The following TMTC2 variants were observed in gnomAD, a reference collection of about 807,000 sequenced individuals.
TMTC2 encodes transmembrane O-mannosyltransferase targeting cadherins 2, also known as protein O-mannosyl-transferase TMTC2.
TMTC2 carries 43 observed loss-of-function variants against 82.4 expected under a neutral mutation model. The observed-to-expected ratio is 0.52, with a 90% CI of 0.41 to 0.67. TMTC2 has a LOEUF of 0.67. TMTC2 is among the 30% of genes least tolerant of loss of function. The probability of loss-of-function intolerance (pLI) is 0.00; values close to 1 mark genes in which losing one functional copy is unlikely to be tolerated. For missense variants in TMTC2, 919 were observed against 1,012.4 expected, an observed-to-expected ratio of 0.91 and a Z score of 1.25; for synonymous variants, 408 against 381.9, an observed-to-expected ratio of 1.07 and a Z score of -0.80.
At chr12:82,849,957 A>G (rs1870885466) in intron 1 of TMTC2, among the ~76,000 whole-genome samples, 1 of 152,138 alleles carries the variant, frequency 6.6e-6, no homozygotes, top group Admixed American at 6.5e-5. Context: ...TTTTCCTAGT[A>G]CATAGTTGGT....
intron 1 of TMTC2, among the ~76,000 whole-genome samples, chr12:82,769,793 T>A (rs1877186297): frequency 6.6e-6 from 1 of 152,088 alleles, no homozygotes; most frequent in Non-Finnish European, 1.5e-5. Flanking sequence ...GTATTTTTAG[T>A]AGGGTCAGAG....
intron 2 of TMTC2, among the ~76,000 whole-genome samples, chr12:82,876,169 T>A (rs554263097): frequency 9.8e-4 from 117 of 119,642 alleles, no homozygotes; most frequent in Admixed American, 1.8e-3. Context: ...GGTGGTAGTG[T>A]TGTTGATCGG....
At chr12:82,837,249 C>A (rs1001718977) in intron 1 of TMTC2, among the ~76,000 whole-genome samples, 4 of 152,266 alleles carry the variant, frequency 2.6e-5, no homozygotes, top group South Asian at 4.2e-4. Flanking sequence ...TGATGCAAAA[C>A]AATTACTAAG....
At chr12:83,078,382 A>C (rs980813826) in intron 11 of TMTC2, among the ~76,000 whole-genome samples, 1 of 152,210 alleles carries the variant, frequency 6.6e-6, no homozygotes, top group Non-Finnish European at 1.5e-5. Flanking sequence ...AAATGTGGGA[A>C]TCAACAGCTG....
At chr12:82,785,744 A>G (rs1007081971) in intron 1 of TMTC2, among the ~76,000 whole-genome samples, 7 of 152,060 alleles carry the variant, frequency 4.6e-5, no homozygotes, top group Admixed American at 3.3e-4. Context: ...ATCCTGAAAC[A>G]TGGTTCCCTT....
intron 7 of TMTC2, among the ~76,000 whole-genome samples, chr12:82,974,304 T>C: frequency 6.6e-6 from 1 of 152,212 alleles, no homozygotes; most frequent in East Asian, 1.9e-4. Flanking sequence ...GGACAATACA[T>C]GTGGAGTAAA....
chr12:82,947,543 C>CTT lies in TMTC2; in HGVS notation c.1598+16998_1598+16999insTT, dbSNP rs1385140519. Among the ~76,000 whole-genome samples, 76 of 138,298 alleles carry CTT rather than the reference C, an allele frequency of 5.5e-4. 1 individual carries two copies. The highest frequency in any genetic ancestry group is 2.6e-3 in the African/African-American group (74 of 28,738). The allele number at this position is 138,298 out of a possible 152,430, so 90.7% of individuals were successfully genotyped here. ...ATTTTTAGTAGAGACGGGGTTTCAC[C>CTT]GTGGTCTCGATCTCCTGACCTGGTG... On this transcript the variant is annotated intron_variant, in intron 4 of 11. Coordinates refer to ENST00000321196, the MANE Select transcript of TMTC2 (RefSeq NM_152588.3).
intron 8 of TMTC2, among the ~76,000 whole-genome samples, chr12:83,019,450 A>G (rs74445418): frequency 0.013 from 2,011 of 152,234 alleles, 46 homozygotes; most frequent in African/African-American, 0.046. Context: ...CATTAGACAC[A>G]ATCAACTACT....
At chr12:83,025,573 T>C (rs566286040) in intron 8 of TMTC2, among the ~76,000 whole-genome samples, 85 of 152,270 alleles carry the variant, frequency 5.6e-4, no homozygotes, top group African/African-American at 2.0e-3. Context: ...ACCAACAGGA[T>C]GCCCTACTAT....
rs762026608 is a variant in TMTC2, at chr12:82,965,633, G to A, written c.1758G>A (p.Lys586=). ...RTEEARRTFL[K]CSEIPDENLK... ...AAGAAGCCCGACGGACATTCTTAAA[G>A]TGTTCGGAGATCCCAGATGAAAACC... is the stretch of plus-strand genomic sequence containing the variant. The change falls in exon 6 of 12, where the codon AAG becomes AAA. Residue 586 remains lysine, a synonymous_variant. Coordinates refer to ENST00000321196, the MANE Select transcript of TMTC2 (RefSeq NM_152588.3). 6.2e-6 allele frequency: 10 copies of A among 1,613,856 alleles called. No homozygotes were observed. The South Asian group carries it at 7.7e-5, about 12-fold the overall frequency.
chr12:82,789,937 G>C (rs1380743190), intron 1 of TMTC2, among the ~76,000 whole-genome samples: 2 of 152,124 alleles, frequency 1.3e-5, no homozygotes, highest in Non-Finnish European at 1.5e-5. Context: ...AGCTATCTGG[G>C]CACAGTGGCT....
At position 82,995,725 on chromosome 12, in the gene TMTC2, A is replaced by T. The variant is rs534769762; in HGVS notation, c.2070+9679A>T. 2.0e-5 allele frequency among the ~76,000 whole-genome samples: 3 copies of T among 152,300 alleles called. No individual in the cohort carries two copies. In the East Asian group the frequency reaches 5.8e-4, roughly 29 times the overall value. Reference sequence around the variant, plus strand: ...TTCATCTTATGAAGAATTAAATATTACATATAAGGTGGATTGTTTTGTGAG... The same window carrying T: ...TTCATCTTATGAAGAATTAAATATTTCATATAAGGTGGATTGTTTTGTGAG... On this transcript the variant is annotated intron_variant, in intron 8 of 11. Coordinates refer to ENST00000321196, the MANE Select transcript of TMTC2 (RefSeq NM_152588.3).
chr12:82,985,295 G>A (rs188241549), intron 7 of TMTC2, among the ~76,000 whole-genome samples: 143 of 152,104 alleles, frequency 9.4e-4, no homozygotes, highest in African/African-American at 3.0e-3. Context: ...CAAGCTATCC[G>A]CCTGCCTTGG....
chr12:82,857,190 T>C lies in TMTC2; in HGVS notation c.264T>C (p.His88=), dbSNP rs1871301363. 16 of 1,614,128 alleles carry C rather than the reference T, an allele frequency of 9.9e-6. No homozygotes were observed. Among genetic ancestry groups the C allele is most frequent in the Non-Finnish European group, 1.4e-5 (16 of 1,180,026 alleles). ...GAGGGTTGAATCCCTGGAGCTACCA[T>C]CTTGTCAATGTCCTGTTGCATGCAG... The part of the protein sequence containing the change: ...AIGGLNPWSY[H]LVNVLLHAAV... The change falls in exon 2 of 12, where the codon CAT becomes CAC. Residue 88 remains histidine, a synonymous_variant. Coordinates refer to ENST00000321196, the MANE Select transcript of TMTC2 (RefSeq NM_152588.3).
At chr12:82,723,025 G>T (rs1458444348) in intron 1 of TMTC2, among the ~76,000 whole-genome samples, 1 of 152,096 alleles carries the variant, frequency 6.6e-6, no homozygotes, top group Non-Finnish European at 1.5e-5. Context: ...ATGGAAAAAT[G>T]TCTATTCATA....
intron 2 of TMTC2, among the ~76,000 whole-genome samples, chr12:82,867,217 CAT>C (rs1871913493): frequency 1.3e-5 from 2 of 152,166 alleles, no homozygotes; most frequent in South Asian, 4.1e-4. Flanking sequence ...GAATTTAATA[CAT>C]GTTTCTTCAG....
chr12:83,097,178 G>C (rs1884057563), intron 11 of TMTC2, among the ~76,000 whole-genome samples: 1 of 152,170 alleles, frequency 6.6e-6, no homozygotes, highest in East Asian at 1.9e-4. Context: ...TCTCAATTCA[G>C]GCTGCTTTTC....
intron 2 of TMTC2, among the ~76,000 whole-genome samples, chr12:82,868,205 AT>A (rs1489624047): frequency 6.6e-6 from 1 of 152,106 alleles, no homozygotes; most frequent in Non-Finnish European, 1.5e-5. Flanking sequence ...AGTAATGGTG[AT>A]CTTTTTATCT....
At chr12:83,041,390 A>T (rs185794994) in intron 9 of TMTC2, among the ~76,000 whole-genome samples, 233 of 152,320 alleles carry the variant, frequency 1.5e-3, no homozygotes, top group Middle Eastern at 3.4e-3. Flanking sequence ...TAATCTAGAG[A>T]GGATTACTAT....
Sources: gnomAD v4.1 joint callset for allele counts (sites outside exome capture counted in the v4.1 genomes callset) on GRCh38, gnomAD v4.1.1 for gene constraint, MANE v1.5 for transcripts, NCBI Gene and HGNC (gene_info 2026-07-23, HGNC 2026-07-21) for gene names.